PCDH15: variants seen among roughly 807,000 people sequenced by gnomAD.
PCDH15 encodes protocadherin related 15, also known as protocadherin-15.
In PCDH15, 129 loss-of-function variants were observed where a neutral mutation model predicts 178.5. That is an observed-to-expected ratio of 0.72 (90% CI 0.63 to 0.84). PCDH15 has a LOEUF of 0.84. PCDH15 is among the 40% of genes least tolerant of loss of function. The pLI is 0.00. For missense variants in PCDH15, 2,230 were observed against 2,099.9 expected (o/e 1.06, Z -1.21); for synonymous variants, 800 against 732.0 (o/e 1.09, Z -1.50).
At chr10:55,156,726 T>G (rs553995016) in intron 2 of PCDH15, among the ~76,000 whole-genome samples, 1 of 152,212 alleles carries the variant, frequency 6.6e-6, no homozygotes, top group East Asian at 1.9e-4. Context: ...ATGACCTTAT[T>G]CCAGAGGGGG....
chr10:54,369,080 A>G (rs1480612000), intron 5 of PCDH15, 40 bp downstream of exon 5: 1 of 1,604,592 alleles, frequency 6.2e-7, no homozygotes, highest in Non-Finnish European at 8.5e-7. Flanking sequence ...AGATACATAT[A>G]TCAACAGAAA....
At chr10:54,331,968 A>G (rs976850635) in intron 6 of PCDH15, among the ~76,000 whole-genome samples, 1 of 151,708 alleles carries the variant, frequency 6.6e-6, no homozygotes, top group Non-Finnish European at 1.5e-5. Context: ...AGAGAAGCTA[A>G]AAATCCCTTT....
chr10:54,104,845 C>CAAAA (rs56195842), intron 15 of PCDH15, among the ~76,000 whole-genome samples: 134 of 48,550 alleles, frequency 2.8e-3, no homozygotes, highest in African/African-American at 6.0e-3. Context: ...TCAACAACAA[C>CAAAA]AAAAAAAAAA....
chr10:54,097,478 C>T (rs954143467), intron 15 of PCDH15, among the ~76,000 whole-genome samples: 13 of 152,160 alleles, frequency 8.5e-5, no homozygotes, highest in African/African-American at 3.1e-4. Flanking sequence ...GAAATAATCA[C>T]TATCAAATTG....
intron 23 of PCDH15, among the ~76,000 whole-genome samples, chr10:53,947,555 A>T (rs1249681616): frequency 1.3e-5 from 2 of 148,248 alleles, no homozygotes; most frequent in African/African-American, 2.5e-5. Flanking sequence ...AGGGAAGAAT[A>T]AAAAAAAAAC....
chr10:55,562,709 C>G (rs1589140122), intron 2 of PCDH15, among the ~76,000 whole-genome samples: 1 of 152,016 alleles, frequency 6.6e-6, no homozygotes, highest in East Asian at 1.9e-4. Context: ...ATTGAAATGA[C>G]TTTGTGAGAA....
intron 3 of PCDH15, among the ~76,000 whole-genome samples, chr10:54,846,441 T>A (rs1210086552): frequency 6.6e-6 from 1 of 152,168 alleles, no homozygotes; most frequent in Non-Finnish European, 1.5e-5. Flanking sequence ...GCTATTCATG[T>A]GTCTCTTTTA....
At chr10:54,209,606 G>T (rs1202657418) in intron 10 of PCDH15, among the ~76,000 whole-genome samples, 1 of 152,014 alleles carries the variant, frequency 6.6e-6, no homozygotes, top group Admixed American at 6.6e-5. Flanking sequence ...TATATAGTTT[G>T]CTATATTTTT....
chr10:55,115,064 T>C (rs1837597416), intron 2 of PCDH15, among the ~76,000 whole-genome samples: 1 of 152,188 alleles, frequency 6.6e-6, no homozygotes, highest in Non-Finnish European at 1.5e-5. Flanking sequence ...CTTTGAAAAA[T>C]AAATTAATTT....
chr10:54,562,393 G>A (rs894154063), intron 2 of PCDH15, among the ~76,000 whole-genome samples: 8 of 152,090 alleles, frequency 5.3e-5, no homozygotes, highest in African/African-American at 1.7e-4. Context: ...ATGGAATTCA[G>A]TAACTCAATA....
chr10:54,648,566 T>G (rs1590815766), intron 2 of PCDH15, among the ~76,000 whole-genome samples: 1 of 152,122 alleles, frequency 6.6e-6, no homozygotes, highest in East Asian at 1.9e-4. Context: ...TTGTGTAACT[T>G]AAATGTAATA....
intron 1 of PCDH15, among the ~76,000 whole-genome samples, chr10:54,718,786 G>A (rs969527438): frequency 6.6e-6 from 1 of 150,504 alleles, no homozygotes; most frequent in Non-Finnish European, 1.5e-5. Flanking sequence ...CCACCTCCTG[G>A]GTTCAAGCAA....
Position 55,156,306 on chromosome 10 carries a change from A to C in PCDH15, c.-80+10270T>G, listed in dbSNP as rs575570838. Among the ~76,000 whole-genome samples, 3 of 152,254 alleles carry C rather than the reference A, an allele frequency of 2.0e-5. No individual in the cohort carries two copies. In the South Asian group the frequency reaches 6.2e-4, roughly 32 times the overall value. On this transcript the variant is annotated intron_variant, in intron 2 of 5. Transcript: ENST00000458638. ...AACTAATGAGATCATTGCCACACAG[A>C]TATATTAAATAGGCTAGGGAAACAA...
At chr10:53,831,876 T>C (rs1247744620) in intron 29 of PCDH15, among the ~76,000 whole-genome samples, 1 of 152,162 alleles carries the variant, frequency 6.6e-6, no homozygotes, top group East Asian at 1.9e-4. Context: ...TCCTAAATTA[T>C]ATACCATAGT....
chr10:55,310,884 G>A (rs950367768), intron 1 of PCDH15, among the ~76,000 whole-genome samples: 15 of 152,158 alleles, frequency 9.9e-5, no homozygotes, highest in African/African-American at 3.6e-4. Flanking sequence ...GGTGGTGAGG[G>A]GCTAGGGGAG....
chr10:54,184,310 T>C (rs774979102), intron 12 of PCDH15, among the ~76,000 whole-genome samples: 6 of 152,128 alleles, frequency 3.9e-5, no homozygotes, highest in Admixed American at 3.9e-4. Context: ...CTACATATCT[T>C]GTTTAACTTG....
intron 2 of PCDH15, among the ~76,000 whole-genome samples, chr10:55,440,436 T>A (rs1839153595): frequency 6.6e-6 from 1 of 152,114 alleles, no homozygotes; most frequent in African/African-American, 2.4e-5. Context: ...TTAGTGGATA[T>A]ATAACTAACA....
intron 2 of PCDH15, among the ~76,000 whole-genome samples, chr10:55,027,682 T>C (rs1478203138): frequency 2.0e-5 from 3 of 151,860 alleles, no homozygotes; most frequent in Non-Finnish European, 2.9e-5. Flanking sequence ...GTTCATAATA[T>C]AGCGATAGGA....
chr10:54,946,911 A>G (rs909471920), intron 2 of PCDH15, among the ~76,000 whole-genome samples: 10 of 151,894 alleles, frequency 6.6e-5, no homozygotes, highest in African/African-American at 2.4e-4. Flanking sequence ...ATATTTGAGA[A>G]CTTCATCTGC....
Sources: gnomAD v4.1 joint callset for allele counts (sites outside exome capture counted in the v4.1 genomes callset) on GRCh38, gnomAD v4.1.1 for gene constraint, MANE v1.5 for transcripts, NCBI Gene and HGNC (gene_info 2026-07-23, HGNC 2026-07-21) for gene names.